Variants in COL14A1 observed in about 807,000 individuals in gnomAD.
COL14A1 encodes the protein collagen type XIV alpha 1 chain, also known as collagen alpha-1(XIV) chain.
In COL14A1, 136 loss-of-function variants were observed where a neutral mutation model predicts 230.3. The ratio of observed to expected loss-of-function variants is 0.59; its 90% CI spans 0.51 to 0.68. The LOEUF (loss-of-function observed/expected upper bound fraction) is 0.68. Ranked by LOEUF, COL14A1 falls within the 30% of genes least tolerant of loss-of-function variation. The probability of loss-of-function intolerance (pLI) is 0.00; values close to 1 mark genes in which losing one functional copy is unlikely to be tolerated. For synonymous variants in COL14A1, 792 were observed against 784.1 expected (o/e 1.01, Z -0.17); for missense variants, 1,976 against 2,215.8 (o/e 0.89, Z 2.17).
At position 120,279,917 on chromosome 8, in the gene COL14A1, G is replaced by C; in HGVS notation, c.3482-18G>C. 6.2e-7 allele frequency: 1 copy of C among 1,610,460 alleles called. No homozygotes were observed. The highest frequency in any genetic ancestry group is 1.1e-5 in the South Asian group (1 of 90,662). On this transcript the variant is annotated intron_variant, in intron 28 of 47. Transcript: ENST00000297848. Reference sequence around the variant, plus strand: ...TACAATTTAAAGTAATCGGAAATCTGTTCTCTGTCTGCCACAGGCTATAGC... The same window carrying C: ...TACAATTTAAAGTAATCGGAAATCTCTTCTCTGTCTGCCACAGGCTATAGC...
chr8:120,221,662 T>G (rs1285050174), intron 14 of COL14A1, among the ~76,000 whole-genome samples: 1 of 152,104 alleles, frequency 6.6e-6, no homozygotes, highest in African/African-American at 2.4e-5. Context: ...TTGTGTATAT[T>G]TGATATCTTT....
In COL14A1 at chr8:120,231,503, A is replaced by G; in HGVS notation, c.2234A>G (p.Asp745Gly). The change falls in exon 19 of 48, where the codon GAT becomes GGT. Residue 745 changes from aspartate to glycine, a missense_variant. By Grantham distance (94) the Asp-to-Gly change is moderately conservative. Transcript: ENST00000297848. ...GGAATCAGAAACCTAGTTGTAGGTG[A>G]TGAAACTACTTCTAGCCTGCGGGTA... ...QTGIRNLVVG[D>G]ETTSSLRVKW... 6.2e-7 allele frequency: 1 copy of G among 1,614,040 alleles called. No homozygotes were observed. The highest frequency in any genetic ancestry group is 1.7e-5 in the Admixed American group (1 of 59,992).
Position 120,283,627 on chromosome 8 carries a change from T to C in COL14A1, c.3825-9T>C, listed in dbSNP as rs369872550. 47 of 1,584,452 alleles carry C rather than the reference T, an allele frequency of 3.0e-5. No individual in the cohort carries two copies. Among genetic ancestry groups the C allele is most frequent in the Non-Finnish European group, 3.7e-5 (43 of 1,171,174 alleles). ...ATACAATGAAACATGGTTTTCTTTC[T>C]ATGTTCAGGTACTTGCACCCAGAAG... On this transcript the variant is annotated splice_polypyrimidine_tract_variant and intron_variant, in intron 31 of 47. Transcript: ENST00000297848.
chr8:120,230,527 C>T (rs1818234873), intron 18 of COL14A1, among the ~76,000 whole-genome samples: 1 of 152,028 alleles, frequency 6.6e-6, no homozygotes. Context: ...TGGCCTCAAC[C>T]ATATTTCCTA....
intron 18 of COL14A1, among the ~76,000 whole-genome samples, chr8:120,229,181 T>C (rs1158721458): frequency 6.6e-6 from 1 of 151,348 alleles, no homozygotes; most frequent in East Asian, 1.9e-4. Context: ...TACATATGTA[T>C]ACATGTGCCA....
rs1256743704 is a variant in COL14A1, at chr8:120,369,410, G to A, written c.5236G>A (p.Val1746Ile). The A allele has an allele frequency of 1.2e-6, 2 of 1,610,490 alleles. No individual in the cohort carries two copies. Among genetic ancestry groups the A allele is most frequent in the Non-Finnish European group, 1.7e-6 (2 of 1,178,398 alleles). ...AAGAGGCCCACCAGGTCATCTGGGG[G>A]TTCCTGGACCCCAAGGTCCTTCTGG... ...GPRGPPGHLGVPGPQGPSGQP... is the reference protein window; with the variant it reads ...GPRGPPGHLGIPGPQGPSGQP... The change falls in exon 47 of 48, where the codon GTT becomes ATT. Residue 1746 changes from valine (V) to isoleucine (I), a missense_variant. By Grantham distance (29) the Val-to-Ile change is conservative. Transcript: ENST00000297848.
intron 45 of COL14A1, among the ~76,000 whole-genome samples, chr8:120,360,517 C>T (rs556805805): frequency 7.9e-5 from 12 of 152,270 alleles, no homozygotes; most frequent in East Asian, 7.7e-4. Context: ...CAAGCCTTTG[C>T]GCATGCATGT....
chr8:120,344,207 C>T (rs1401828390), intron 44 of COL14A1, among the ~76,000 whole-genome samples: 1 of 152,200 alleles, frequency 6.6e-6, no homozygotes, highest in African/African-American at 2.4e-5. Flanking sequence ...CAGGCCCAGC[C>T]TACTCAGAGG....
intron 5 of COL14A1, among the ~76,000 whole-genome samples, chr8:120,186,088 T>G (rs1816645169): frequency 6.6e-6 from 1 of 152,188 alleles, no homozygotes; most frequent in Admixed American, 6.5e-5. Context: ...TTTAATTTTC[T>G]GAAAAATGGG....
intron 40 of COL14A1, among the ~76,000 whole-genome samples, chr8:120,317,209 A>G (rs772049047): frequency 7.2e-5 from 11 of 152,196 alleles, no homozygotes; most frequent in Non-Finnish European, 1.5e-4. Flanking sequence ...CTAGGTTAGC[A>G]AACAATTGAC....
At chr8:120,287,365 GT>G (rs1446363987) in intron 33 of COL14A1, among the ~76,000 whole-genome samples, 1 of 152,104 alleles carries the variant, frequency 6.6e-6, no homozygotes, top group Non-Finnish European at 1.5e-5. Flanking sequence ...ACTTAACATT[GT>G]TTACTCACCA....
At chr8:120,289,799 G>A (rs1820316547) in intron 34 of COL14A1, 33 bp downstream of exon 34, 1 of 1,575,836 alleles carries the variant, frequency 6.3e-7, no homozygotes, top group African/African-American at 1.4e-5. Context: ...CTGTGTTATT[G>A]TTAAGGGAGA....
At chr8:120,220,696 C>A (rs993162278) in intron 14 of COL14A1, among the ~76,000 whole-genome samples, 3 of 152,158 alleles carry the variant, frequency 2.0e-5, no homozygotes, top group African/African-American at 4.8e-5. Context: ...CTCTCCCCAA[C>A]TTTTTGGAGA....
intron 5 of COL14A1, among the ~76,000 whole-genome samples, chr8:120,189,424 A>G (rs1457691184): frequency 6.6e-6 from 1 of 151,996 alleles, no homozygotes; most frequent in African/African-American, 2.4e-5. Flanking sequence ...GACTTTTGAA[A>G]TTGTTGAAAA....
Position 120,315,834 on chromosome 8 carries a change from C to A in COL14A1, c.4606-110C>A, listed in dbSNP as rs1251244186. ...TGAATTCTAGGTTACAAAGGGTTCA[C>A]CATTATGCTCTTAGGTTTGTTTGGA... is the stretch of plus-strand genomic sequence containing the variant. On this transcript the variant is annotated intron_variant, in intron 39 of 47. Transcript: ENST00000297848. 4.5e-6 allele frequency: 5 copies of A among 1,122,642 alleles called. No individual in the cohort carries two copies. In the East Asian group the frequency reaches 1.2e-4, roughly 28 times the overall value. The allele number at this position is 1,122,642 out of a possible 1,614,324, so 69.5% of individuals were successfully genotyped here.
At chr8:120,334,964 GT>G (rs1218806556) in intron 42 of COL14A1, among the ~76,000 whole-genome samples, 1 of 152,180 alleles carries the variant, frequency 6.6e-6, no homozygotes, top group Non-Finnish European at 1.5e-5. Context: ...GTTTAATTTG[GT>G]TAGACAATAA....
chr8:120,337,490 A>G (rs1333900704), intron 42 of COL14A1, among the ~76,000 whole-genome samples: 3 of 152,146 alleles, frequency 2.0e-5, no homozygotes, highest in African/African-American at 7.2e-5. Flanking sequence ...GGCATATTAG[A>G]AGAATATTCT....
At chr8:120,197,135 T>C (rs1185498112) in intron 6 of COL14A1, among the ~76,000 whole-genome samples, 189 bp downstream of exon 6, 1 of 152,238 alleles carries the variant, frequency 6.6e-6, no homozygotes, top group Non-Finnish European at 1.5e-5. Context: ...GACACTGTCA[T>C]TCAATTAATT....
intron 42 of COL14A1, among the ~76,000 whole-genome samples, chr8:120,338,155 A>G (rs1046816706): frequency 4.0e-5 from 6 of 149,220 alleles, no homozygotes; most frequent in Admixed American, 6.7e-5. Flanking sequence ...CAAAAAATGT[A>G]TTGGTGCAGA....
Sources: gnomAD v4.1 joint callset for allele counts (sites outside exome capture counted in the v4.1 genomes callset) on GRCh38, gnomAD v4.1.1 for gene constraint, MANE v1.5 for transcripts, NCBI Gene and HGNC (gene_info 2026-07-23, HGNC 2026-07-21) for gene names.